MSI2: variants seen among roughly 807,000 people sequenced by gnomAD.
MSI2 encodes the protein RNA-binding protein Musashi homolog 2.
A neutral mutation model predicts 45.6 loss-of-function variants in MSI2; 17 were observed. The observed-to-expected ratio is 0.37, with a 90% CI of 0.26 to 0.56. The LOEUF is 0.56. Among genes scored for constraint, MSI2 ranks in the 20% least tolerant of loss-of-function variants. The pLI is 0.77. For synonymous variants in MSI2, 156 were observed against 158.2 expected (o/e 0.99, Z 0.11); for missense variants, 293 against 444.2 (o/e 0.66, Z 3.06).
In MSI2 at chr17:57,552,050, G is replaced by A. The variant is rs1430340742; in HGVS notation, c.454+22326G>A. Among the ~76,000 whole-genome samples, 1 of 152,128 alleles carries A rather than the reference G, an allele frequency of 6.6e-6. No homozygotes were observed. The highest frequency in any genetic ancestry group is 2.4e-5 in the African/African-American group (1 of 41,406). On this transcript the variant is annotated intron_variant, in intron 7 of 13. Transcript: ENST00000284073. The surrounding 1 kb of genome is among the most constrained non-coding windows in gnomAD (Gnocchi z 4.3). ...GGTTTTCTGGAACAGAGAATGTGCT[G>A]GACCTAGAGCCCCTCGTCCTGGGGC... is the stretch of plus-strand genomic sequence containing the variant.
intron 10 of MSI2, among the ~76,000 whole-genome samples, chr17:57,642,800 TTC>T (rs1910359080): frequency 6.6e-6 from 1 of 152,230 alleles, no homozygotes; most frequent in South Asian, 2.1e-4. Flanking sequence ...GAGTTATCAG[TTC>T]TGCTGCAGCT....
In MSI2 at chr17:57,488,867, A is replaced by T. The variant is rs559774856; in HGVS notation, c.406-40809A>T. On this transcript the variant is annotated intron_variant, in intron 6 of 13. Transcript: ENST00000284073. ...TTCAGATCCTGCAAAGTGACAGCAC[A>T]TTAGAGCTGGCGGTGTGCAGACACG... Among the ~76,000 whole-genome samples the T allele has an allele frequency of 3.9e-5, 6 of 152,176 alleles. No individual in the cohort carries two copies. The South Asian group carries it at 1.2e-3, about 32-fold the overall frequency.
At chr17:57,613,961 C>CA (rs1567936508) in intron 8 of MSI2, among the ~76,000 whole-genome samples, 1 of 152,180 alleles carries the variant, frequency 6.6e-6, no homozygotes, top group Admixed American at 6.5e-5. Flanking sequence ...TAACCTTGAG[C>CA]ACTAAAATAT....
intron 11 of MSI2, among the ~76,000 whole-genome samples, chr17:57,658,444 T>C (rs12938842): frequency 0.16 from 24,640 of 152,244 alleles, 2,434 homozygotes; most frequent in East Asian, 0.44. Context: ...ACTTTCACCA[T>C]AAAGAGTCCA....
downstream of MSI2, among the ~76,000 whole-genome samples, chr17:57,686,568 A>G (rs1913888371): frequency 6.6e-6 from 1 of 152,234 alleles, no homozygotes; most frequent in African/African-American, 2.4e-5. Context: ...AGGGCCGACA[A>G]AGAGAAAATA....
intron 6 of MSI2, among the ~76,000 whole-genome samples, chr17:57,470,995 A>G (rs1327715963): frequency 1.3e-5 from 2 of 152,150 alleles, no homozygotes; most frequent in Admixed American, 6.5e-5. Context: ...CATTCTCTTT[A>G]TGATGCTTCT....
intron 6 of MSI2, among the ~76,000 whole-genome samples, chr17:57,494,219 C>G (rs1394694420): frequency 1.3e-5 from 2 of 152,206 alleles, no homozygotes; most frequent in Admixed American, 6.5e-5. Context: ...TTCCCACCAT[C>G]TGCAGTAAGG....
rs2084053623 is a variant in MSI2 at position 57,404,825 on chromosome 17, G to T, written c.405+3354G>T. ...GAGCTTTAAATAACTTAAATTGGAG[G>T]CTTGTAAACCCTTTTGTGTTTTTCT... On this transcript the variant is annotated intron_variant, in intron 6 of 13. Transcript: ENST00000284073. Among the ~76,000 whole-genome samples, 3 of 152,040 alleles carry T rather than the reference G, an allele frequency of 2.0e-5. No homozygotes were observed. The South Asian group carries it at 6.2e-4, about 32-fold the overall frequency.
chr17:57,398,575 C>T (rs111823801), intron 5 of MSI2, among the ~76,000 whole-genome samples: 2,050 of 152,162 alleles, frequency 0.013, 45 homozygotes, highest in African/African-American at 0.046. Flanking sequence ...TGTGTCTTTT[C>T]GCTGCGTGTT....
chr17:57,415,921 G>C (rs1482709866), intron 6 of MSI2, among the ~76,000 whole-genome samples: 1 of 152,156 alleles, frequency 6.6e-6, no homozygotes, highest in African/African-American at 2.4e-5. Context: ...AGGCTAAGTG[G>C]AGGATTTGGC....
At chr17:57,436,479 C>G (rs1056346293) in intron 6 of MSI2, among the ~76,000 whole-genome samples, 16 of 152,172 alleles carry the variant, frequency 1.1e-4, no homozygotes, top group Admixed American at 2.0e-4. Context: ...AAAGTATGGA[C>G]TAAAGAAAAC....
At chr17:57,299,917 C>G (rs1294661883) in intron 5 of MSI2, among the ~76,000 whole-genome samples, 2 of 152,156 alleles carry the variant, frequency 1.3e-5, no homozygotes, top group Admixed American at 1.3e-4. Context: ...ATAGTGATGA[C>G]CTCTAGGGAG....
chr17:57,678,118 T>C (rs548656052), intron 13 of MSI2, among the ~76,000 whole-genome samples: 5 of 152,258 alleles, frequency 3.3e-5, no homozygotes, highest in Admixed American at 3.3e-4. Context: ...TTGCACTTCA[T>C]TGGATGCCTC....
chr17:57,417,178 A>G lies in MSI2; in HGVS notation c.405+15707A>G, dbSNP rs989673107. Reference sequence around the variant, plus strand: ...GCAGATCATGTCTTCATGTGCCTCAATGCCAGCCTGAGCATTGACCTGGAA... The same window carrying G: ...GCAGATCATGTCTTCATGTGCCTCAGTGCCAGCCTGAGCATTGACCTGGAA... On this transcript the variant is annotated intron_variant, in intron 6 of 13. Transcript: ENST00000284073. Among the ~76,000 whole-genome samples, 25 of 152,310 alleles carry G rather than the reference A, an allele frequency of 1.6e-4. 1 individual carries two copies. The highest frequency in any genetic ancestry group is 4.1e-4 in the South Asian group (2 of 4,826).
chr17:57,350,782 T>C (rs974961182), intron 5 of MSI2, among the ~76,000 whole-genome samples: 15 of 152,188 alleles, frequency 9.9e-5, no homozygotes, highest in African/African-American at 2.9e-4. Context: ...GTCAATACCA[T>C]GGCACGTTTT....
intron 6 of MSI2, among the ~76,000 whole-genome samples, chr17:57,427,503 G>A (rs1402890634): frequency 6.6e-6 from 1 of 152,160 alleles, no homozygotes; most frequent in Non-Finnish European, 1.5e-5. Context: ...GCAGTTGAGG[G>A]TATGAGTGGG....
At chr17:57,457,038 A>C (rs1567835195) in intron 6 of MSI2, among the ~76,000 whole-genome samples, 1 of 152,196 alleles carries the variant, frequency 6.6e-6, no homozygotes, top group Non-Finnish European at 1.5e-5. Context: ...TAGAGTTTTA[A>C]TGTGTGGTCA....
At chr17:57,386,096 T>C (rs986311765) in intron 5 of MSI2, among the ~76,000 whole-genome samples, 1 of 152,220 alleles carries the variant, frequency 6.6e-6, no homozygotes, top group Non-Finnish European at 1.5e-5. Context: ...TGATTTCTTA[T>C]CAAGAGTCAC....
At chr17:57,276,213 G>A (rs569180985) in intron 5 of MSI2, among the ~76,000 whole-genome samples, 1 of 152,342 alleles carries the variant, frequency 6.6e-6, no homozygotes, top group South Asian at 2.1e-4. Context: ...ACATGAAAGT[G>A]GCAGGTTACA....
Sources: allele counts gnomAD v4.1 joint callset (sites outside exome capture counted in the v4.1 genomes callset), GRCh38; gene constraint gnomAD v4.1.1; non-coding constraint Gnocchi (gnomAD v3.1); transcripts MANE v1.5; gene names NCBI Gene and HGNC (gene_info 2026-07-23, HGNC 2026-07-21).